PDE4D: variants seen among roughly 807,000 people sequenced by gnomAD.
The protein encoded by PDE4D is phosphodiesterase 4D.
Under a neutral mutation model 87.4 loss-of-function variants are expected in PDE4D, and 24 were observed. The observed-to-expected ratio is 0.27, with a 90% CI of 0.20 to 0.39. The LOEUF (loss-of-function observed/expected upper bound fraction) is 0.39. Among genes scored for constraint, PDE4D ranks in the 10% least tolerant of loss-of-function variants. The probability of loss-of-function intolerance (pLI) is 1.00; values close to 1 mark genes in which losing one functional copy is unlikely to be tolerated. For missense variants in PDE4D, 714 were observed against 1,041.0 expected, an observed-to-expected ratio of 0.69 and a Z score of 4.32; for synonymous variants, 384 against 383.2, an observed-to-expected ratio of 1.00 and a Z score of -0.02.
At chr5:59,588,699 A>G (rs1825537233) in intron 1 of PDE4D, among the ~76,000 whole-genome samples, 1 of 152,180 alleles carries the variant, frequency 6.6e-6, no homozygotes, top group Non-Finnish European at 1.5e-5. Flanking sequence ...GAGGATTCCT[A>G]GGAGGAAGAA....
At chr5:59,529,503 CA>C (rs1813771763) in intron 1 of PDE4D, among the ~76,000 whole-genome samples, 1 of 152,122 alleles carries the variant, frequency 6.6e-6, no homozygotes, top group African/African-American at 2.4e-5. Context: ...AATAGGGGCA[CA>C]AGCATTGACC....
chr5:60,405,333 C>T (rs1741440397), intron 1 of PDE4D, among the ~76,000 whole-genome samples: 2 of 152,226 alleles, frequency 1.3e-5, no homozygotes, highest in East Asian at 1.9e-4. Context: ...TATTTCACCT[C>T]ACTCTCATAA....
intron 1 of PDE4D, among the ~76,000 whole-genome samples, chr5:59,600,092 G>C (rs115591315): frequency 4.6e-4 from 70 of 152,256 alleles, no homozygotes; most frequent in Admixed American, 1.2e-3. Context: ...TCAAGGCCTT[G>C]GTTTTCTAGT....
chr5:59,810,011 T>C (rs1217856032), intron 1 of PDE4D, among the ~76,000 whole-genome samples: 1 of 152,232 alleles, frequency 6.6e-6, no homozygotes, highest in Admixed American at 6.5e-5. Flanking sequence ...TTCTCATAAG[T>C]CACGTGAATC....
intron 1 of PDE4D, among the ~76,000 whole-genome samples, chr5:59,699,170 A>T (rs1487528384): frequency 1.3e-5 from 2 of 152,158 alleles, no homozygotes; most frequent in Non-Finnish European, 2.9e-5. Context: ...TAATTCTGTT[A>T]AAAAATTATA....
intron 1 of PDE4D, among the ~76,000 whole-genome samples, chr5:59,573,264 T>G (rs573538183): frequency 3.3e-5 from 5 of 152,190 alleles, no homozygotes; most frequent in Admixed American, 6.5e-5. Context: ...TTTCTGATAA[T>G]TTCCTAAAGG....
chr5:60,031,658 T>A (rs1767258497), intron 2 of PDE4D, among the ~76,000 whole-genome samples: 1 of 152,218 alleles, frequency 6.6e-6, no homozygotes, highest in African/African-American at 2.4e-5. Context: ...AAACCAAAGT[T>A]TTTTACTGGA....
At chr5:60,315,317 A>G (rs1755459655) in intron 1 of PDE4D, among the ~76,000 whole-genome samples, 1 of 152,096 alleles carries the variant, frequency 6.6e-6, no homozygotes, top group African/African-American at 2.4e-5. Context: ...TCCTTCGCCT[A>G]TTTGTTGATG....
At chr5:59,757,764 T>C (rs1761457107) in intron 1 of PDE4D, among the ~76,000 whole-genome samples, 1 of 152,196 alleles carries the variant, frequency 6.6e-6, no homozygotes, top group African/African-American at 2.4e-5. Flanking sequence ...CCCTGAATGA[T>C]TGACTATAAA....
chr5:59,390,076 A>G (rs1787932934), intron 1 of PDE4D, among the ~76,000 whole-genome samples: 1 of 152,186 alleles, frequency 6.6e-6, no homozygotes. Flanking sequence ...CACACATTGT[A>G]TGCATGAATC....
At chr5:59,360,187 T>C (rs531302814) in intron 1 of PDE4D, among the ~76,000 whole-genome samples, 1 of 152,126 alleles carries the variant, frequency 6.6e-6, no homozygotes, top group African/African-American at 2.4e-5. Context: ...GTGGGATAAG[T>C]TAAACGTAAT....
chr5:60,416,837 C>T (rs997711168), intron 1 of PDE4D, among the ~76,000 whole-genome samples: 5 of 152,166 alleles, frequency 3.3e-5, no homozygotes, highest in Non-Finnish European at 7.4e-5. Flanking sequence ...CTTTGTGGAA[C>T]ATGCTGTGTC....
intron 1 of PDE4D, among the ~76,000 whole-genome samples, chr5:59,587,979 T>C (rs1414268988): frequency 6.6e-6 from 1 of 151,976 alleles, no homozygotes; most frequent in Non-Finnish European, 1.5e-5. Context: ...TGATAGAGTT[T>C]GGTGGATTTC....
intron 1 of PDE4D, among the ~76,000 whole-genome samples, chr5:59,619,504 G>A (rs80337544): frequency 0.014 from 2,081 of 152,266 alleles, 49 homozygotes; most frequent in African/African-American, 0.046. Context: ...AGATGATCGA[G>A]CATAGCAAGC....
At chr5:59,535,547 C>A in intron 1 of PDE4D, among the ~76,000 whole-genome samples, 1 of 152,172 alleles carries the variant, frequency 6.6e-6, no homozygotes, top group East Asian at 1.9e-4. Context: ...GTACATCAAG[C>A]TGATACCTAT....
At chr5:59,171,604 C>G (rs549979981) in intron 5 of PDE4D, among the ~76,000 whole-genome samples, 1 of 151,748 alleles carries the variant, frequency 6.6e-6, no homozygotes, top group Admixed American at 6.6e-5. Flanking sequence ...TTACTGTTCC[C>G]AGTCCCCTGA....
chr5:59,545,239 G>A (rs748406841), intron 1 of PDE4D, among the ~76,000 whole-genome samples: 3 of 152,110 alleles, frequency 2.0e-5, no homozygotes, highest in Non-Finnish European at 4.4e-5. Context: ...AACAGTGCCT[G>A]GAACCTGGTA....
intron 1 of PDE4D, among the ~76,000 whole-genome samples, chr5:60,382,095 C>T (rs1303879071): frequency 6.6e-6 from 1 of 151,994 alleles, no homozygotes; most frequent in East Asian, 1.9e-4. Context: ...GTATTTATTT[C>T]CTCATTGAAG....
chr5:59,631,645 C>A (rs928560286), intron 1 of PDE4D, among the ~76,000 whole-genome samples: 1 of 152,084 alleles, frequency 6.6e-6, no homozygotes, highest in African/African-American at 2.4e-5. Flanking sequence ...GCACAAGGGG[C>A]TCGGGAACTC....
Sources: gnomAD v4.1 joint callset for allele counts (sites outside exome capture counted in the v4.1 genomes callset) on GRCh38, gnomAD v4.1.1 for gene constraint, MANE v1.5 for transcripts, NCBI Gene and HGNC (gene_info 2026-07-23, HGNC 2026-07-21) for gene names.